Variants in COA1 observed in about 807,000 individuals in gnomAD.
COA1 encodes the protein cytochrome c oxidase assembly factor 1 homolog.
A neutral mutation model predicts 16.0 loss-of-function variants in COA1; 13 were observed. That is an observed-to-expected ratio of 0.81 (90% CI 0.53 to 1.29). The LOEUF is 1.29. COA1 is among the 50% of genes most tolerant of loss of function. The pLI, the probability that COA1 is intolerant of heterozygous loss-of-function variation, is 0.00. For synonymous variants in COA1, 65 were observed against 65.7 expected (o/e 0.99, Z 0.05); for missense variants, 179 against 177.0 (o/e 1.01, Z -0.06).
intron 1 of COA1, among the ~76,000 whole-genome samples, chr7:43,703,184 C>A (rs2094820652): frequency 6.6e-6 from 1 of 152,134 alleles, no homozygotes; most frequent in African/African-American, 2.4e-5. Flanking sequence ...ATTTTTATTG[C>A]ACTGTGGTCT....
intron 1 of COA1, among the ~76,000 whole-genome samples, chr7:43,691,564 T>C (rs746803245): frequency 1.3e-4 from 20 of 152,190 alleles, no homozygotes; most frequent in Non-Finnish European, 2.5e-4. Context: ...CTAGTAGCTC[T>C]AACATATAGT....
chr7:43,634,439 C>T (rs1035729044), downstream of COA1, among the ~76,000 whole-genome samples: 12 of 152,174 alleles, frequency 7.9e-5, no homozygotes, highest in East Asian at 9.6e-4. Flanking sequence ...TGCAGCTTCC[C>T]GCTAGAACAC....
intron 1 of COA1, among the ~76,000 whole-genome samples, chr7:43,664,819 C>T (rs911124976): frequency 1.2e-4 from 19 of 152,210 alleles, no homozygotes; most frequent in African/African-American, 4.1e-4. Flanking sequence ...AGGATCAGCT[C>T]TCCCTACAAG....
At chr7:43,609,514 G>A (rs1379417518) in intron 6 of COA1, 2 of 152,212 alleles carry the variant, frequency 1.3e-5, no homozygotes, top group Non-Finnish European at 2.9e-5. Flanking sequence ...ACAAAGAATG[G>A]GTGCTCAGGA....
At chr7:43,691,309 GAAAGAAAGAAAGAA>G (rs1563382093) in intron 1 of COA1, among the ~76,000 whole-genome samples, 6 of 90,524 alleles carry the variant, frequency 6.6e-5, no homozygotes, top group Non-Finnish European at 9.2e-5. Context: ...AAGAAAGAAA[GAAAGAAAGAAAGAA>G]AGAAAGAGAA....
In COA1 at chr7:43,691,369, G is replaced by GGA. The variant is rs1563383990; in HGVS notation, c.-39+38059_-39+38060insTC. Among the ~76,000 whole-genome samples, 72 of 18,714 alleles carry GGA rather than the reference G, an allele frequency of 3.8e-3. 1 individual carries two copies. Among genetic ancestry groups the GGA allele is most frequent in the Non-Finnish European group, 4.8e-3 (48 of 9,970 alleles). 12.3% of individuals were successfully genotyped at this position (18,714 alleles called of 152,430 possible). ...GGAGGGAGGGAGGGAGGGAGGGAGG[G>GGA]AGGGAGGGAGGAAGGAAGGAAGGAA... On this transcript the variant is annotated intron_variant, in intron 1 of 5. Coordinates refer to ENST00000223336, the MANE Select transcript of COA1 (RefSeq NM_018224.4).
intron 6 of COA1, among the ~76,000 whole-genome samples, chr7:43,618,895 C>T (rs182624584): frequency 3.9e-5 from 6 of 152,204 alleles, no homozygotes; most frequent in African/African-American, 1.2e-4. Context: ...TAGATGAAAT[C>T]GCTCCAAAAT....
intron 1 of COA1, among the ~76,000 whole-genome samples, chr7:43,674,092 CCT>C (rs2093400604): frequency 6.6e-6 from 1 of 152,066 alleles, no homozygotes; most frequent in Non-Finnish European, 1.5e-5. Flanking sequence ...ACATCCAACC[CCT>C]GTGACACAAA....
At chr7:43,671,633 AT>A (rs1008914760) in intron 1 of COA1, among the ~76,000 whole-genome samples, 42 of 152,132 alleles carry the variant, frequency 2.8e-4, no homozygotes, top group Non-Finnish European at 1.0e-4. Flanking sequence ...TGAGATAAAT[AT>A]TTTTCTACAA....
At chr7:43,654,240 C>G (rs2091358061) in intron 1 of COA1, among the ~76,000 whole-genome samples, 2 of 152,152 alleles carry the variant, frequency 1.3e-5, no homozygotes, top group Admixed American at 6.5e-5. Context: ...CTTCCAGAGA[C>G]AGCCATTGTC....
intron 2 of COA1, 34 bp from the exon 3 acceptor site, chr7:43,647,668 T>G: frequency 6.5e-7 from 1 of 1,544,434 alleles, no homozygotes; most frequent in African/African-American, 1.4e-5. Context: ...TATTGTAGGA[T>G]TCCCAGTTTT....
At chr7:43,649,652 A>G (rs2090352297) in intron 1 of COA1, 1 of 152,258 alleles carries the variant, frequency 6.6e-6, no homozygotes, top group Non-Finnish European at 1.5e-5. Context: ...AATAATTATA[A>G]CATAGATCTA....
In COA1 at chr7:43,628,864, T is replaced by C. The variant is rs1416783155; in HGVS notation, c.*133+10585A>G. On this transcript the variant is annotated intron_variant and NMD_transcript_variant, in intron 6 of 6. Coordinates refer to the COA1 transcript ENST00000415076. ...GTTGATGAGAAGAAGGGTTTAGTTTTGGTGAAATCCAATTTATGAATTTTT... is the reference window on the plus strand; with the variant it reads ...GTTGATGAGAAGAAGGGTTTAGTTTCGGTGAAATCCAATTTATGAATTTTT... 8.5e-5 allele frequency among the ~76,000 whole-genome samples: 13 copies of C among 152,366 alleles called. No individual in the cohort carries two copies. The South Asian group carries it at 2.7e-3, about 32-fold the overall frequency.
chr7:43,628,033 C>G (rs766823628), intron 6 of COA1, among the ~76,000 whole-genome samples: 9 of 152,182 alleles, frequency 5.9e-5, no homozygotes, highest in Admixed American at 1.3e-4. Flanking sequence ...GTTGCCCAGG[C>G]TGGAGTGCAA....
chr7:43,693,972 C>G (rs1271581163), intron 1 of COA1, among the ~76,000 whole-genome samples: 1 of 151,898 alleles, frequency 6.6e-6, no homozygotes, highest in African/African-American at 2.4e-5. Context: ...ACCTCTACAG[C>G]TCCTCTGCTT....
At position 43,648,650 on chromosome 7, in the gene COA1, G is replaced by A. The variant is rs1355197735; in HGVS notation, c.-36C>T. The A allele has an allele frequency of 6.2e-7, 1 of 1,608,642 alleles. No homozygotes were observed. The highest frequency in any genetic ancestry group is 1.7e-5 in the Admixed American group (1 of 59,292). The stretch of plus-strand genomic sequence containing the variant: ...TCTTGAAAATCATCAAAGGCAAGTT[G>A]TCCTGCAATTAGAAAAGATTTTACA... On this transcript the variant is annotated splice_region_variant and 5_prime_UTR_variant, in exon 2 of 6. Coordinates refer to ENST00000223336, the MANE Select transcript of COA1 (RefSeq NM_018224.4).
chr7:43,655,822 C>T (rs544348631), intron 1 of COA1, among the ~76,000 whole-genome samples: 1 of 152,290 alleles, frequency 6.6e-6, no homozygotes, highest in East Asian at 1.9e-4. Context: ...TGTTCCATGC[C>T]TCCACTTTAA....
chr7:43,726,282 A>AG (rs2095615669), intron 1 of COA1, among the ~76,000 whole-genome samples: 3 of 152,218 alleles, frequency 2.0e-5, no homozygotes, highest in Non-Finnish European at 4.4e-5. Flanking sequence ...TAGGCTAAAT[A>AG]TACCACCAGG....
At chr7:43,622,561 ATCTT>A (rs1375817385) in intron 6 of COA1, 5 of 146,886 alleles carry the variant, frequency 3.4e-5, no homozygotes, top group South Asian at 2.1e-4. Flanking sequence ...GAAAAAAAAA[ATCTT>A]TAGTTAAGTG....
Sources: allele counts gnomAD v4.1 joint callset (sites outside exome capture counted in the v4.1 genomes callset), GRCh38; gene constraint gnomAD v4.1.1; transcripts MANE v1.5; gene names NCBI Gene and HGNC (gene_info 2026-07-23, HGNC 2026-07-21).